The following PCDHA11 variants were observed in gnomAD, a reference collection of about 807,000 sequenced individuals.
PCDHA11 encodes protocadherin alpha-11.
A neutral mutation model predicts 70.3 loss-of-function variants in PCDHA11; 61 were observed. The observed-to-expected ratio is 0.87, with a 90% CI of 0.71 to 1.07. PCDHA11 has a LOEUF of 1.07. PCDHA11 is among the 50% of genes least tolerant of loss of function. The pLI is 0.00. For synonymous variants in PCDHA11, 633 were observed against 555.1 expected (o/e 1.14, Z -1.97); for missense variants, 1,324 against 1,237.5 (o/e 1.07, Z -1.05).
chr5:140,892,536 A>G (rs916916323), intron 1 of PCDHA11, among the ~76,000 whole-genome samples: 1 of 152,208 alleles, frequency 6.6e-6, no homozygotes, highest in African/African-American at 2.4e-5. Flanking sequence ...CAGGATTCTG[A>G]CTTTTGTTTC....
intron 1 of PCDHA11, chr5:140,876,193 G>A: frequency 6.2e-7 from 1 of 1,613,950 alleles, no homozygotes; most frequent in Non-Finnish European, 8.5e-7. Flanking sequence ...CAATGGTCCG[G>A]CGTTTGATAA....
chr5:140,871,192 G>A lies in PCDHA11; in HGVS notation c.2089G>A (p.Val697Met), dbSNP rs1582019516. ...SPEAALVDVN[V>M]YLIIAICVVS... ...AGAGGCTGCGCTGGTGGATGTCAAC[G>A]TGTACCTGATCATCGCCATCTGCGT... Residue 697 changes from valine (V) to methionine (M), a missense_variant, in exon 1 of 4, where the codon GTG becomes ATG. Transcript: ENST00000398640. 1 of 1,613,668 alleles carries A rather than the reference G, an allele frequency of 6.2e-7. No individual in the cohort carries two copies. Among genetic ancestry groups the A allele is most frequent in the South Asian group, 1.1e-5 (1 of 91,092 alleles).
chr5:140,966,934 G>A (rs782780798), intron 1 of PCDHA11: 6 of 1,604,080 alleles, frequency 3.7e-6, no homozygotes, highest in South Asian at 2.2e-5. Flanking sequence ...CACCCGGCGC[G>A]CTCGTGGGCA....
chr5:140,940,045 G>T (rs2092536047), intron 1 of PCDHA11, among the ~76,000 whole-genome samples: 1 of 152,038 alleles, frequency 6.6e-6, no homozygotes, highest in African/African-American at 2.4e-5. Flanking sequence ...TATTTTATTA[G>T]ATTCTTAACC....
chr5:140,898,999 A>G (rs2067088188), intron 1 of PCDHA11, among the ~76,000 whole-genome samples: 2 of 151,690 alleles, frequency 1.3e-5, no homozygotes, highest in African/African-American at 4.8e-5. Context: ...TTTGTCTGTT[A>G]TTGGTGTATA....
chr5:140,955,234 G>C (rs1373509371), intron 1 of PCDHA11, among the ~76,000 whole-genome samples: 12 of 152,184 alleles, frequency 7.9e-5, no homozygotes, highest in Middle Eastern at 3.4e-3. Flanking sequence ...TTGTTCTTTT[G>C]CTTAGGATCG....
intron 1 of PCDHA11, among the ~76,000 whole-genome samples, chr5:140,905,939 T>A (rs1583575409): frequency 6.6e-6 from 1 of 152,288 alleles, no homozygotes; most frequent in African/African-American, 2.4e-5. Context: ...GCTGAAGAAC[T>A]TGGAATCCGA....
intron 1 of PCDHA11, among the ~76,000 whole-genome samples, chr5:140,900,909 G>T (rs1470878423): frequency 1.3e-5 from 2 of 152,184 alleles, no homozygotes; most frequent in Middle Eastern, 3.4e-3. Context: ...TTTAACTGTG[G>T]TAAGATGATA....
At chr5:140,955,130 T>A (rs1173088504) in intron 1 of PCDHA11, among the ~76,000 whole-genome samples, 1 of 152,228 alleles carries the variant, frequency 6.6e-6, no homozygotes, top group African/African-American at 2.4e-5. Context: ...TCCACTGGTC[T>A]ACACGTCTGT....
intron 1 of PCDHA11, among the ~76,000 whole-genome samples, chr5:140,889,879 T>G (rs2062416989): frequency 6.6e-6 from 1 of 152,162 alleles, no homozygotes; most frequent in South Asian, 2.1e-4. Flanking sequence ...CCTGCCACCA[T>G]GTAAGAATTC....
rs376943163 is a variant in PCDHA11 at position 140,883,718 on chromosome 5, G to C, written c.2391+12224G>C. On this transcript the variant is annotated intron_variant, in intron 1 of 3. Coordinates refer to ENST00000398640, the MANE Select transcript of PCDHA11 (RefSeq NM_018902.5). The stretch of plus-strand genomic sequence containing the variant: ...CACGGTGTCTGCTCAGGACGCGGAC[G>C]CACAGGAGAACGCGCTGGTCTCCTA... The C allele has an allele frequency of 5.0e-5, 81 of 1,613,524 alleles. No homozygotes were observed. Among genetic ancestry groups the C allele is most frequent in the Non-Finnish European group, 6.4e-5 (75 of 1,179,854 alleles).
intron 3 of PCDHA11, among the ~76,000 whole-genome samples, chr5:140,993,704 A>G (rs1032326931): frequency 3.3e-5 from 5 of 152,172 alleles, no homozygotes; most frequent in African/African-American, 1.2e-4. Flanking sequence ...TTGTAATACC[A>G]TATTTTTACT....
intron 1 of PCDHA11, among the ~76,000 whole-genome samples, chr5:140,901,786 T>C (rs2068901288): frequency 6.6e-6 from 1 of 152,242 alleles, no homozygotes; most frequent in South Asian, 2.1e-4. Context: ...TAGATTACTT[T>C]GGGTAGTATG....
At position 140,870,536 on chromosome 5, in the gene PCDHA11, C is replaced by T. The variant is rs782205013; in HGVS notation, c.1433C>T (p.Ala478Val). Residue 478 changes from alanine to valine, a missense_variant, in exon 1 of 4, where the codon GCG becomes GTG. Transcript: ENST00000398640. ...GGCTGCCACATCTTCACAGTGTCGGCGCGGGACGCGGACGCGCAGGAGAAC... is the reference window on the plus strand; with the variant it reads ...GGCTGCCACATCTTCACAGTGTCGGTGCGGGACGCGGACGCGCAGGAGAAC... ...PPGCHIFTVS[A>V]RDADAQENAL... 1.1e-5 allele frequency: 18 copies of T among 1,614,036 alleles called. No individual in the cohort carries two copies. The Admixed American group carries it at 3.0e-4, about 27-fold the overall frequency.
At chr5:141,000,223 G>A (rs1190945878) in intron 3 of PCDHA11, among the ~76,000 whole-genome samples, 2 of 151,642 alleles carry the variant, frequency 1.3e-5, no homozygotes, top group African/African-American at 4.8e-5. Flanking sequence ...AAATGCCTGT[G>A]TGGAGCTGAA....
chr5:140,932,002 T>G (rs1305093438), intron 1 of PCDHA11, among the ~76,000 whole-genome samples: 1 of 151,956 alleles, frequency 6.6e-6, no homozygotes, highest in East Asian at 1.9e-4. Flanking sequence ...CTAAGTTCTT[T>G]CATTTTAGTT....
chr5:140,886,841 A>G lies in PCDHA11; in HGVS notation c.2391+15347A>G, dbSNP rs11748230. ...GACTTCGTCTTGAAAAAAAAAAAAA[A>G]AAAAAAGAAAGGTCTTCCCAACTCC... is the stretch of plus-strand genomic sequence containing the variant. On this transcript the variant is annotated intron_variant, in intron 1 of 3. Transcript: ENST00000398640. Among the ~76,000 whole-genome samples the G allele has an allele frequency of 9.0e-3, 1,368 of 151,662 alleles. 8 individuals are homozygous for G. Among genetic ancestry groups the G allele is most frequent in the Non-Finnish European group, 0.016 (1,078 of 67,864 alleles).
rs185115696 is a variant in PCDHA11, at chr5:140,899,982, A to G, written c.2391+28488A>G. Among the ~76,000 whole-genome samples the G allele has an allele frequency of 7.7e-3, 1,166 of 150,716 alleles. 5 individuals carry two copies. The highest frequency in any genetic ancestry group is 0.018 in the African/African-American group (738 of 41,016). On this transcript the variant is annotated intron_variant, in intron 1 of 3. Coordinates refer to ENST00000398640, the MANE Select transcript of PCDHA11 (RefSeq NM_018902.5). Reference sequence around the variant, plus strand: ...GCTGCCATGCCCAGCTACTTTTTTGATTTTTTTTGTAGAGATGAGGTCTCA... The same window carrying G: ...GCTGCCATGCCCAGCTACTTTTTTGGTTTTTTTTGTAGAGATGAGGTCTCA...
chr5:141,000,112 C>T (rs1404445521), intron 3 of PCDHA11, among the ~76,000 whole-genome samples: 1 of 152,128 alleles, frequency 6.6e-6, no homozygotes. Flanking sequence ...CGTCTCTTCC[C>T]TCATCCCCAA....
Sources: allele counts gnomAD v4.1 joint callset (sites outside exome capture counted in the v4.1 genomes callset), GRCh38; gene constraint gnomAD v4.1.1; transcripts MANE v1.5; gene names NCBI Gene and HGNC (gene_info 2026-07-23, HGNC 2026-07-21).